GLIS3: variants seen among roughly 807,000 people sequenced by gnomAD.
GLIS3 encodes zinc finger protein GLIS3.
Under a neutral mutation model 78.6 loss-of-function variants are expected in GLIS3, and 53 were observed. That is an observed-to-expected ratio of 0.67 (90% CI 0.54 to 0.85). GLIS3 has a LOEUF of 0.85. Among genes scored for constraint, GLIS3 ranks in the 40% least tolerant of loss-of-function variants. The probability of loss-of-function intolerance (pLI) is 0.00; values close to 1 mark genes in which losing one functional copy is unlikely to be tolerated. For missense variants in GLIS3, 1,703 were observed against 1,231.1 expected (o/e 1.38, Z -5.74); for synonymous variants, 684 against 509.9 (o/e 1.34, Z -4.60).
intron 2 of GLIS3, among the ~76,000 whole-genome samples, chr9:4,274,141 A>C (rs1413055705): frequency 3.3e-5 from 5 of 152,284 alleles, no homozygotes; most frequent in Non-Finnish European, 7.4e-5. Context: ...AGGTCACCAT[A>C]GTGGTAAAGC....
At chr9:4,234,962 TCA>T in intron 2 of GLIS3, among the ~76,000 whole-genome samples, 2 of 152,192 alleles carry the variant, frequency 1.3e-5, no homozygotes, top group Middle Eastern at 3.4e-3. Context: ...CAGTCCTGCC[TCA>T]GTTATGCAAG....
At chr9:4,105,344 G>A (rs1387074758) in intron 4 of GLIS3, among the ~76,000 whole-genome samples, 3 of 152,078 alleles carry the variant, frequency 2.0e-5, no homozygotes, top group Admixed American at 6.5e-5. Context: ...TCACTCCCAG[G>A]CACAGCTGTT....
At chr9:4,124,902 A>C (rs67608214) in intron 3 of GLIS3, among the ~76,000 whole-genome samples, 34,107 of 152,154 alleles carry the variant, frequency 0.22, 4,184 homozygotes, top group Middle Eastern at 0.35. Flanking sequence ...TTTTCCAAGA[A>C]AATAACTTCT....
chr9:4,210,623 A>C (rs1820294057), intron 2 of GLIS3, among the ~76,000 whole-genome samples: 1 of 152,220 alleles, frequency 6.6e-6, no homozygotes, highest in South Asian at 2.1e-4. Flanking sequence ...AGAAAACTTA[A>C]GTCTTCAGTT....
At chr9:3,848,370 C>T (rs893645528) in intron 9 of GLIS3, among the ~76,000 whole-genome samples, 7 of 152,082 alleles carry the variant, frequency 4.6e-5, no homozygotes, top group East Asian at 1.9e-4. Context: ...GGCGTGGTGG[C>T]GCATGCCTGT....
chr9:4,313,059 G>A (rs1465070735), intron 2 of GLIS3, among the ~76,000 whole-genome samples: 1 of 152,172 alleles, frequency 6.6e-6, no homozygotes, highest in African/African-American at 2.4e-5. Flanking sequence ...ACTATGCTAT[G>A]CTGTTTCTTT....
the GLIS3 span, among the ~76,000 whole-genome samples, chr9:4,417,734 A>G: frequency 1.3e-5 from 2 of 152,204 alleles, no homozygotes; most frequent in South Asian, 4.1e-4. Flanking sequence ...TCTCACTTAC[A>G]TTATGTGAGA....
intron 8 of GLIS3, among the ~76,000 whole-genome samples, chr9:3,863,381 AAAG>A (rs1820359175): frequency 6.6e-6 from 1 of 152,224 alleles, no homozygotes; most frequent in Non-Finnish European, 1.5e-5. Context: ...AGCTTTCAGT[AAAG>A]AAGAAACAGC....
chr9:3,961,012 T>A (rs1282494604), intron 4 of GLIS3, among the ~76,000 whole-genome samples: 1 of 152,164 alleles, frequency 6.6e-6, no homozygotes, highest in Admixed American at 6.5e-5. Context: ...ACATTCCCCA[T>A]TTGGCTGAGC....
chr9:4,243,582 G>C (rs1176590248), intron 2 of GLIS3, among the ~76,000 whole-genome samples: 1 of 152,134 alleles, frequency 6.6e-6, no homozygotes, highest in Non-Finnish European at 1.5e-5. Flanking sequence ...TGGTTATTTT[G>C]CTTTGGGATA....
At chr9:4,075,394 C>T (rs1054059265) in intron 4 of GLIS3, among the ~76,000 whole-genome samples, 77 of 101,400 alleles carry the variant, frequency 7.6e-4, no homozygotes, top group Non-Finnish European at 7.0e-4. Context: ...AGGTGAAACC[C>T]GTCTCTACTA....
rs994539150 is a variant in GLIS3 at position 4,069,995 on chromosome 9, C to T, written c.1710+47773G>A. Among the ~76,000 whole-genome samples the T allele has an allele frequency of 2.0e-5, 3 of 152,000 alleles. No homozygotes were observed. The East Asian group carries it at 5.8e-4, about 29-fold the overall frequency. On this transcript the variant is annotated intron_variant, in intron 4 of 10. Transcript: ENST00000381971. ...GCCAGGAGAGACCCAGGGAACATGG[C>T]CTATGGTATCAAGGCACAGGGGCAG...
chr9:3,979,380 T>C (rs1819051043), intron 4 of GLIS3, among the ~76,000 whole-genome samples: 1 of 152,218 alleles, frequency 6.6e-6, no homozygotes, highest in African/African-American at 2.4e-5. Flanking sequence ...TAGACAGGAC[T>C]AACATCCTTC....
chr9:4,315,150 T>C (rs530603006), intron 2 of GLIS3, among the ~76,000 whole-genome samples: 4 of 152,352 alleles, frequency 2.6e-5, no homozygotes, highest in African/African-American at 9.6e-5. Context: ...ATTTTGGATC[T>C]CAGTTAATTT....
intron 2 of GLIS3, among the ~76,000 whole-genome samples, chr9:4,220,984 C>CTAAT (rs778772582): frequency 5.9e-5 from 9 of 152,078 alleles, no homozygotes; most frequent in South Asian, 2.1e-4. Flanking sequence ...GACCCTGTCT[C>CTAAT]TAATTAATTA....
chr9:4,483,483 G>GC, the GLIS3 span, among the ~76,000 whole-genome samples: 1 of 152,076 alleles, frequency 6.6e-6, no homozygotes, highest in Admixed American at 6.6e-5. Context: ...ACTTTGGGAG[G>GC]CCAAGGTGGG....
At chr9:4,082,941 A>G (rs1234467080) in intron 4 of GLIS3, among the ~76,000 whole-genome samples, 3 of 152,182 alleles carry the variant, frequency 2.0e-5, no homozygotes, top group Non-Finnish European at 1.5e-5. Flanking sequence ...TTGGGGCTCA[A>G]TGCTATTTTA....
At chr9:4,336,478 A>T (rs1438513454) in intron 2 of GLIS3, among the ~76,000 whole-genome samples, 1 of 147,954 alleles carries the variant, frequency 6.8e-6, no homozygotes, top group East Asian at 2.0e-4. Context: ...CCAGACCCTG[A>T]GGGCACTGAT....
chr9:3,918,876 A>C (rs969426124), intron 6 of GLIS3, among the ~76,000 whole-genome samples: 4 of 152,238 alleles, frequency 2.6e-5, no homozygotes, highest in African/African-American at 9.6e-5. Context: ...GAAATGCCAC[A>C]ATGACCAATG....
Sources: gnomAD v4.1 joint callset for allele counts (sites outside exome capture counted in the v4.1 genomes callset) on GRCh38, gnomAD v4.1.1 for gene constraint, MANE v1.5 for transcripts, NCBI Gene and HGNC (gene_info 2026-07-23, HGNC 2026-07-21) for gene names.